RAF1: variants seen among roughly 807,000 people sequenced by gnomAD.
RAF1 encodes the protein Raf-1 proto-oncogene, serine/threonine kinase.
A neutral mutation model predicts 81.1 loss-of-function variants in RAF1; 27 were observed. That is an observed-to-expected ratio of 0.33 (90% CI 0.25 to 0.46). RAF1 has a LOEUF of 0.46. Ranked by LOEUF, RAF1 falls within the 20% of genes least tolerant of loss-of-function variation. The pLI is 1.00. For synonymous variants in RAF1, 298 were observed against 294.0 expected (o/e 1.01, Z -0.14); for missense variants, 598 against 826.0 (o/e 0.72, Z 3.38).
intron 1 of RAF1, among the ~76,000 whole-genome samples, chr3:12,633,867 AG>A (rs1275964498): frequency 6.7e-6 from 1 of 150,016 alleles, no homozygotes; most frequent in East Asian, 2.0e-4. Context: ...CCCAGGAGGC[AG>A]AGATTGCAGT....
At chr3:12,594,742 G>A (rs964509829) in intron 11 of RAF1, among the ~76,000 whole-genome samples, 7 of 151,998 alleles carry the variant, frequency 4.6e-5, no homozygotes, top group African/African-American at 9.7e-5. Flanking sequence ...AACTCTTCTC[G>A]CTTTTCTAAA....
intron 1 of RAF1, among the ~76,000 whole-genome samples, chr3:12,658,503 G>A (rs1044445487): frequency 2.0e-5 from 3 of 152,146 alleles, no homozygotes; most frequent in African/African-American, 7.2e-5. Flanking sequence ...TCAGGAGGCT[G>A]AGGCAGGAGA....
Position 12,609,035 on chromosome 3 carries a change from A to G in RAF1, c.424-112T>C, listed in dbSNP as rs985070054. On this transcript the variant is annotated intron_variant, in intron 4 of 17. Transcript: ENST00000442415. The stretch of plus-strand genomic sequence containing the variant: ...TTACAAAATGAATCATACTTCCAGC[A>G]TGTACAGAATTCATAATCACAAATT... The G allele has an allele frequency of 1.7e-5, 21 of 1,238,772 alleles. No individual in the cohort carries two copies. The African/African-American group carries it at 2.6e-4, about 15-fold the overall frequency. The allele number at this position is 1,238,772 out of a possible 1,614,324, so 76.7% of individuals were successfully genotyped here. A position where few individuals can be genotyped will look rare whatever the true frequency, so the allele number is the denominator to read the frequency against.
chr3:12,615,982 G>A (rs1372009124), intron 2 of RAF1, among the ~76,000 whole-genome samples: 1 of 152,010 alleles, frequency 6.6e-6, no homozygotes, highest in Non-Finnish European at 1.5e-5. Context: ...AACCTGGGAG[G>A]TAGAGGTTGC....
At chr3:12,587,837 C>CT (rs374515740) in intron 13 of RAF1, 200 bp from the exon 13 acceptor site, 5,779 of 194,482 alleles carry the variant, frequency 0.03, 74 homozygotes, top group East Asian at 0.095. Context: ...ATGCTTACAC[C>CT]TTTTTTTTTT....
At chr3:12,646,383 T>C (rs1201175020) in intron 1 of RAF1, among the ~76,000 whole-genome samples, 3 of 152,040 alleles carry the variant, frequency 2.0e-5, no homozygotes, top group East Asian at 3.8e-4. Flanking sequence ...TTCTTTTAAG[T>C]CTTTTTTTTG....
chr3:12,605,250 ATGTGTGTGTGTGTG>A (rs139616156), intron 6 of RAF1, among the ~76,000 whole-genome samples: 17 of 144,538 alleles, frequency 1.2e-4, no homozygotes, highest in Admixed American at 7.7e-4. Context: ...ATTACACATT[ATGTGTGTGTGTGTG>A]TGTGTGTGTG....
intron 1 of RAF1, among the ~76,000 whole-genome samples, chr3:12,620,870 C>T (rs573354415): frequency 1.3e-5 from 2 of 151,754 alleles, no homozygotes; most frequent in Non-Finnish European, 2.9e-5. Flanking sequence ...ATTTAAAGTC[C>T]ATGAATTTTC....
At chr3:12,592,731 CTTTTTTTTTTT>C (rs35189562) in intron 11 of RAF1, among the ~76,000 whole-genome samples, 4 of 107,226 alleles carry the variant, frequency 3.7e-5, no homozygotes, top group African/African-American at 1.1e-4. Context: ...TTAAAAGCCA[CTTTTTTTTTTT>C]TTTTTTTTTT....
chr3:12,602,616 C>A (rs945816418), intron 8 of RAF1, among the ~76,000 whole-genome samples: 1 of 152,134 alleles, frequency 6.6e-6, no homozygotes, highest in Non-Finnish European at 1.5e-5. Context: ...CCAGCCAATT[C>A]TGACCTTTAC....
chr3:12,588,478 G>C (rs186617644), intron 13 of RAF1: 5 of 151,858 alleles, frequency 3.3e-5, no homozygotes, highest in Admixed American at 6.5e-5. Flanking sequence ...GTTGCACTTA[G>C]GCTACAAAAC....
chr3:12,605,949 C>T (rs1408379741), intron 6 of RAF1, among the ~76,000 whole-genome samples: 1 of 152,128 alleles, frequency 6.6e-6, no homozygotes, highest in Non-Finnish European at 1.5e-5. Context: ...AATGTAATGA[C>T]ATATTAAGAA....
chr3:12,657,862 A>AC (rs1553625400), intron 1 of RAF1, among the ~76,000 whole-genome samples: 5,155 of 102,926 alleles, frequency 0.05, 267 homozygotes, highest in African/African-American at 0.17. Context: ...CACCCAAAAA[A>AC]AAAACAAAAC....
chr3:12,611,648 C>T (rs1044205144), intron 3 of RAF1, among the ~76,000 whole-genome samples: 1 of 151,982 alleles, frequency 6.6e-6, no homozygotes, highest in Admixed American at 6.6e-5. Flanking sequence ...TGCGGTGAGC[C>T]GAGATCGCGC....
At chr3:12,661,456 C>T (rs142539951) in intron 1 of RAF1, among the ~76,000 whole-genome samples, 10 of 151,966 alleles carry the variant, frequency 6.6e-5, no homozygotes, top group East Asian at 1.9e-4. Flanking sequence ...GTAATCCCAG[C>T]GAGGCCGTGG....
intron 1 of RAF1, among the ~76,000 whole-genome samples, chr3:12,645,010 A>G (rs2060300003): frequency 1.3e-5 from 2 of 151,410 alleles, no homozygotes; most frequent in Non-Finnish European, 2.9e-5. Flanking sequence ...GAGGCAGAAG[A>G]ACTGCTTGAA....
At chr3:12,648,286 TAAAA>T (rs34585793) in intron 1 of RAF1, among the ~76,000 whole-genome samples, 15 of 124,174 alleles carry the variant, frequency 1.2e-4, no homozygotes, top group Admixed American at 3.2e-4. Flanking sequence ...ACAGCGAAGT[TAAAA>T]AAAAAAAAAA....
intron 1 of RAF1, among the ~76,000 whole-genome samples, chr3:12,656,048 TAC>T (rs967394739): frequency 4.7e-5 from 7 of 149,608 alleles, no homozygotes; most frequent in African/African-American, 7.4e-5. Context: ...GGATTGTAGA[TAC>T]ACACACACAC....
chr3:12,622,408 C>T (rs2059582750), intron 1 of RAF1, among the ~76,000 whole-genome samples: 1 of 152,194 alleles, frequency 6.6e-6, no homozygotes, highest in African/African-American at 2.4e-5. Context: ...GACAAGGCGT[C>T]TAAAGGCCTT....
Sources: allele counts gnomAD v4.1 joint callset (sites outside exome capture counted in the v4.1 genomes callset), GRCh38; gene constraint gnomAD v4.1.1; transcripts MANE v1.5; gene names NCBI Gene and HGNC (gene_info 2026-07-23, HGNC 2026-07-21).